ASRGL1: variants seen among roughly 807,000 people sequenced by gnomAD.
ASRGL1 encodes isoaspartyl peptidase/L-asparaginase.
Under a neutral mutation model 22.4 loss-of-function variants are expected in ASRGL1, and 16 were observed. The ratio of observed to expected loss-of-function variants is 0.71; its 90% CI spans 0.48 to 1.08. The LOEUF (loss-of-function observed/expected upper bound fraction) is 1.08, where lower values mean the gene tolerates loss of function less well. ASRGL1 is among the 50% of genes least tolerant of loss of function. The pLI is 0.00. For synonymous variants in ASRGL1, 165 were observed against 159.3 expected, an observed-to-expected ratio of 1.04 and a Z score of -0.27; for missense variants, 412 against 410.1, an observed-to-expected ratio of 1.00 and a Z score of -0.04.
chr11:62,340,284 A>G (rs1381834759), intron 2 of ASRGL1, among the ~76,000 whole-genome samples: 1 of 152,136 alleles, frequency 6.6e-6, no homozygotes, highest in Admixed American at 6.6e-5. Context: ...AATAAAATTA[A>G]GTTCATCTGA....
intron 2 of ASRGL1, among the ~76,000 whole-genome samples, chr11:62,349,669 G>A (rs1463451167): frequency 1.3e-5 from 2 of 152,172 alleles, no homozygotes; most frequent in Non-Finnish European, 2.9e-5. Context: ...GACCCCAAGA[G>A]AAGGTTCTTG....
At chr11:62,376,639 T>C (rs1946939152) in intron 4 of ASRGL1, among the ~76,000 whole-genome samples, 2 of 152,132 alleles carry the variant, frequency 1.3e-5, no homozygotes, top group Admixed American at 1.3e-4. Context: ...AGTGGTACAC[T>C]CCTTACTGTC....
chr11:62,397,157 G>A (rs373237116), downstream of ASRGL1, among the ~76,000 whole-genome samples: 101 of 152,270 alleles, frequency 6.6e-4, no homozygotes, highest in Middle Eastern at 6.8e-3. Context: ...AGCCTCCCGA[G>A]TGGCTGGGAC....
intron 4 of ASRGL1, among the ~76,000 whole-genome samples, chr11:62,386,393 TTTA>T (rs906207897): frequency 5.3e-5 from 8 of 151,682 alleles, no homozygotes; most frequent in Admixed American, 2.0e-4. Context: ...ATTGTATTAT[TTTA>T]TTATTGTTAA....
At chr11:62,382,270 CCGG>C (rs1376069902) in intron 4 of ASRGL1, 2 of 151,924 alleles carry the variant, frequency 1.3e-5, no homozygotes, top group Non-Finnish European at 2.9e-5. Flanking sequence ...AGGACCCCCA[CCGG>C]CAACAGTCTC....
Position 62,392,439 on chromosome 11 carries a change from G to T in ASRGL1, c.*155G>T, listed in dbSNP as rs965268589. The T allele has an allele frequency of 1.1e-6, 1 of 926,532 alleles. No individual in the cohort carries two copies. The highest frequency in any genetic ancestry group is 2.6e-5 in the East Asian group (1 of 37,868). 57.4% of individuals were successfully genotyped at this position (926,532 alleles called of 1,614,324 possible). On this transcript the variant is annotated 3_prime_UTR_variant, in exon 7 of 7. Transcript: ENST00000415229. Reference sequence around the variant, plus strand: ...TAAGCATCTGAATGTTTGGTTGTGGGGCGGGTTCTGAAGCGATGAGAGAAA... The same window carrying T: ...TAAGCATCTGAATGTTTGGTTGTGGTGCGGGTTCTGAAGCGATGAGAGAAA...
At chr11:62,361,286 G>T (rs1946426435) in intron 4 of ASRGL1, among the ~76,000 whole-genome samples, 1 of 151,886 alleles carries the variant, frequency 6.6e-6, no homozygotes, top group Admixed American at 6.6e-5. Flanking sequence ...CAATCTCCCA[G>T]GCTCAAGTGA....
At chr11:62,369,327 A>G (rs1196216123) in intron 4 of ASRGL1, among the ~76,000 whole-genome samples, 1 of 152,188 alleles carries the variant, frequency 6.6e-6, no homozygotes, top group African/African-American at 2.4e-5. Flanking sequence ...GGTTGGGGCT[A>G]GGGTTACAGA....
chr11:62,349,600 T>C (rs576367685), intron 2 of ASRGL1, among the ~76,000 whole-genome samples: 10 of 152,328 alleles, frequency 6.6e-5, no homozygotes, highest in African/African-American at 2.2e-4. Context: ...CTCTTTCTTA[T>C]TACTATTATT....
chr11:62,392,105 C>G lies in ASRGL1; in HGVS notation c.748C>G (p.Leu250Val). 6.2e-7 allele frequency: 1 copy of G among 1,614,182 alleles called. No homozygotes were observed. Among genetic ancestry groups the G allele is most frequent in the Non-Finnish European group, 8.5e-7 (1 of 1,180,046 alleles). ...QGKTVEEAAD[L>V]SLGYMKSRVK... ...AAAGACGGTAGAAGAGGCTGCGGAC[C>G]TATCGTTGGGTTATATGAAGTCAAG... is the stretch of plus-strand genomic sequence containing the variant. The change falls in exon 7 of 7, where the codon CTA becomes GTA. Residue 250 changes from leucine (L) to valine (V), a missense_variant. Coordinates refer to ENST00000415229, the MANE Select transcript of ASRGL1 (RefSeq NM_001083926.2).
chr11:62,372,312 G>C, intron 4 of ASRGL1: 1 of 1,603,246 alleles, frequency 6.2e-7, no homozygotes, highest in Non-Finnish European at 8.5e-7. Flanking sequence ...GGGGCAGCTG[G>C]GCCTTGGCAA....
At chr11:62,341,376 T>A (rs1198646320) in intron 2 of ASRGL1, among the ~76,000 whole-genome samples, 1 of 151,994 alleles carries the variant, frequency 6.6e-6, no homozygotes, top group African/African-American at 2.4e-5. Flanking sequence ...TTTTTAGTAT[T>A]TTTAGTAGAG....
At chr11:62,389,033 C>A in intron 4 of ASRGL1, 100 bp from the exon 5 acceptor site, 1 of 1,009,844 alleles carries the variant, frequency 9.9e-7, no homozygotes, top group Non-Finnish European at 1.5e-6. Flanking sequence ...GCCCCATCAA[C>A]ATATAACATG....
chr11:62,392,217 C>T lies in ASRGL1; in HGVS notation c.860C>T (p.Ala287Val). The T allele has an allele frequency of 6.2e-7, 1 of 1,614,186 alleles. No homozygotes were observed. Among genetic ancestry groups the T allele is most frequent in the Non-Finnish European group, 8.5e-7 (1 of 1,180,028 alleles). ...ACCTCCACCTCCATGCCCTGGGCAG[C>T]CGCCAAGGACGGCAAGCTGCACTTC... ...KWTSTSMPWA[A>V]AKDGKLHFGI... The change falls in exon 7 of 7, where the codon GCC (alanine) becomes GTC (valine). Residue 287 changes from alanine to valine, a missense_variant. Transcript: ENST00000415229.
intron 4 of ASRGL1, among the ~76,000 whole-genome samples, chr11:62,387,590 T>G (rs943600321): frequency 7.9e-5 from 12 of 152,202 alleles, no homozygotes; most frequent in African/African-American, 2.7e-4. Flanking sequence ...TCAGGAACGC[T>G]CCTCCCCAGC....
At chr11:62,394,856 C>T (rs2134712748), downstream of ASRGL1, among the ~76,000 whole-genome samples, 1 of 152,242 alleles carries the variant, frequency 6.6e-6, no homozygotes, top group East Asian at 1.9e-4. Flanking sequence ...CCTCCACCAG[C>T]CTGGGAGTTC....
chr11:62,344,188 G>A (rs576237702), intron 2 of ASRGL1, among the ~76,000 whole-genome samples: 11 of 152,146 alleles, frequency 7.2e-5, no homozygotes, highest in East Asian at 1.9e-4. Context: ...GAGCCACTGC[G>A]CTTGGCCTGT....
chr11:62,383,605 A>T (rs1947128706), intron 4 of ASRGL1, among the ~76,000 whole-genome samples: 1 of 125,210 alleles, frequency 8.0e-6, no homozygotes, highest in Admixed American at 8.7e-5. Flanking sequence ...TCCTACTCAA[A>T]AAAAAAAAAA....
At chr11:62,398,020 G>A (rs954008735), downstream of ASRGL1, among the ~76,000 whole-genome samples, 5 of 152,108 alleles carry the variant, frequency 3.3e-5, no homozygotes, top group Non-Finnish European at 7.4e-5. Flanking sequence ...GCTGCCCCTC[G>A]TTGAGTGAGG....
Sources: gnomAD v4.1 joint callset for allele counts (sites outside exome capture counted in the v4.1 genomes callset) on GRCh38, gnomAD v4.1.1 for gene constraint, MANE v1.5 for transcripts, NCBI Gene and HGNC (gene_info 2026-07-23, HGNC 2026-07-21) for gene names.